EPSTI1: variants seen among roughly 807,000 people sequenced by gnomAD.
EPSTI1 encodes epithelial stromal interaction 1.
EPSTI1 carries 66 observed loss-of-function variants against 49.9 expected under a neutral mutation model. That is an observed-to-expected ratio of 1.32 (90% CI 1.08 to 1.62). The LOEUF (loss-of-function observed/expected upper bound fraction) is 1.62, where lower values mean the gene tolerates loss of function less well. EPSTI1 is among the 40% of genes most tolerant of loss of function. The pLI is 0.00. For missense variants in EPSTI1, 394 were observed against 365.5 expected (o/e 1.08, Z -0.64); for synonymous variants, 137 against 130.7 (o/e 1.05, Z -0.33).
At chr13:42,952,751 C>A (rs944284104) in intron 6 of EPSTI1, among the ~76,000 whole-genome samples, 1 of 152,224 alleles carries the variant, frequency 6.6e-6, no homozygotes, top group African/African-American at 2.4e-5. Flanking sequence ...CATCTATTTT[C>A]TGGCCTGGGT....
chr13:42,979,984 T>C (rs550201229), intron 1 of EPSTI1, among the ~76,000 whole-genome samples: 4 of 152,280 alleles, frequency 2.6e-5, no homozygotes, highest in South Asian at 4.1e-4. Flanking sequence ...TGTAGACTCC[T>C]ATGAGCTCAG....
At chr13:42,900,205 C>T (rs1220707547) in intron 9 of EPSTI1, 105 bp downstream of exon 9, 12 of 1,078,296 alleles carry the variant, frequency 1.1e-5, no homozygotes, top group South Asian at 1.3e-5. Context: ...ACACGCATTC[C>T]AAAACCATAT....
chr13:42,969,112 G>C lies in EPSTI1; in HGVS notation c.313C>G (p.Leu105Val), dbSNP rs765968737. Residue 105 changes from leucine to valine, a missense_variant, in exon 3 of 11, where the codon CTG (leucine) becomes GTG (valine). Coordinates refer to ENST00000313624, the MANE Select transcript of EPSTI1 (RefSeq NM_033255.5). Reference protein sequence around the residue: ...KEQNRAKPVHLVPRRLGGSQS... With the variant: ...KEQNRAKPVHVVPRRLGGSQS... Reference sequence around the variant, plus strand: ...TGCTTACCTAGCCGTCTGGGCACCAGGTGAACCGGTTTAGCTCTGTTCTGC... The same window carrying C: ...TGCTTACCTAGCCGTCTGGGCACCACGTGAACCGGTTTAGCTCTGTTCTGC... The C allele has an allele frequency of 5.0e-6, 8 of 1,614,036 alleles. No homozygotes were observed. The highest frequency in any genetic ancestry group is 6.8e-6 in the Non-Finnish European group (8 of 1,180,044).
chr13:42,987,873 G>A (rs1728895448), intron 1 of EPSTI1, among the ~76,000 whole-genome samples: 1 of 152,094 alleles, frequency 6.6e-6, no homozygotes, highest in East Asian at 1.9e-4. Context: ...AGTATACATA[G>A]TGTGCATTTA....
intron 6 of EPSTI1, among the ~76,000 whole-genome samples, chr13:42,942,738 G>GAC (rs2038796890): frequency 8.2e-6 from 1 of 122,094 alleles, no homozygotes; most frequent in Admixed American, 1.1e-4. Flanking sequence ...CCGGACTGCA[G>GAC]ACTGCAGTGG....
At chr13:42,984,496 T>C (rs1457819261) in intron 1 of EPSTI1, among the ~76,000 whole-genome samples, 2 of 152,256 alleles carry the variant, frequency 1.3e-5, no homozygotes, top group Non-Finnish European at 2.9e-5. Flanking sequence ...ACTTAAGTTC[T>C]GTCTCAGACA....
At chr13:42,921,989 G>A (rs756728737) in intron 7 of EPSTI1, among the ~76,000 whole-genome samples, 1 of 152,154 alleles carries the variant, frequency 6.6e-6, no homozygotes, top group Non-Finnish European at 1.5e-5. Flanking sequence ...ATGTTCAAAG[G>A]AAACTAAGAA....
At chr13:42,917,653 A>AC (rs749127519) in intron 7 of EPSTI1, 29 bp from the exon 8 acceptor site, 28 of 1,446,986 alleles carry the variant, frequency 1.9e-5, no homozygotes, top group Non-Finnish European at 2.3e-5. Flanking sequence ...AAAAAAAAAA[A>AC]AAAAAACAAC....
intron 4 of EPSTI1, among the ~76,000 whole-genome samples, chr13:42,963,811 A>G (rs9567073): frequency 0.57 from 86,777 of 151,968 alleles, 25,827 homozygotes; most frequent in Middle Eastern, 0.82. Flanking sequence ...ATAGTTAAAC[A>G]TAGTTAACTT....
intron 6 of EPSTI1, among the ~76,000 whole-genome samples, chr13:42,931,114 C>T (rs1430444925): frequency 6.6e-6 from 1 of 152,146 alleles, no homozygotes; most frequent in African/African-American, 2.4e-5. Flanking sequence ...CTCTTTCCTC[C>T]TTCTATCTGA....
intron 6 of EPSTI1, among the ~76,000 whole-genome samples, chr13:42,943,366 T>C (rs998382310): frequency 1.3e-5 from 2 of 152,226 alleles, no homozygotes; most frequent in Non-Finnish European, 2.9e-5. Context: ...TCCTCTGCTG[T>C]CCTTGTTGGA....
intron 6 of EPSTI1, among the ~76,000 whole-genome samples, chr13:42,947,357 A>T (rs1249274833): frequency 1.3e-5 from 2 of 152,200 alleles, no homozygotes; most frequent in Admixed American, 1.3e-4. Context: ...GGAATAAAAT[A>T]CACACACAAA....
At chr13:42,911,248 T>A (rs910454246) in intron 8 of EPSTI1, among the ~76,000 whole-genome samples, 2 of 120,930 alleles carry the variant, frequency 1.7e-5, no homozygotes, top group African/African-American at 6.3e-5. Context: ...AGAGAGAGTG[T>A]GTGTGTGTGT....
chr13:42,986,451 C>T (rs945864618), intron 1 of EPSTI1, among the ~76,000 whole-genome samples: 1 of 152,028 alleles, frequency 6.6e-6, no homozygotes, highest in African/African-American at 2.4e-5. Context: ...GGGGTTAAAA[C>T]TTTCAACCCC....
At chr13:42,908,908 C>A (rs1387995148) in intron 8 of EPSTI1, among the ~76,000 whole-genome samples, 1 of 147,838 alleles carries the variant, frequency 6.8e-6, no homozygotes, top group Non-Finnish European at 1.5e-5. Flanking sequence ...CATGGTGAAA[C>A]CCTGTCTCGA....
At chr13:42,968,737 G>T (rs1286737276) in intron 3 of EPSTI1, among the ~76,000 whole-genome samples, 1 of 151,872 alleles carries the variant, frequency 6.6e-6, no homozygotes, top group Non-Finnish European at 1.5e-5. Flanking sequence ...ATATGCTTGT[G>T]CCAGCATTTA....
chr13:42,942,297 C>T (rs1268742784), intron 6 of EPSTI1, among the ~76,000 whole-genome samples: 1 of 152,090 alleles, frequency 6.6e-6, no homozygotes, highest in African/African-American at 2.4e-5. Flanking sequence ...AGCCTGTATA[C>T]ATTTTTTGTG....
intron 6 of EPSTI1, among the ~76,000 whole-genome samples, chr13:42,949,591 C>CA (rs199737689): frequency 0.27 from 21,416 of 79,798 alleles, 2,095 homozygotes; most frequent in East Asian, 0.4. Context: ...GACTCCATGT[C>CA]AAAAAAAAAA....
At chr13:42,897,383 A>C (rs1331955354) in intron 9 of EPSTI1, among the ~76,000 whole-genome samples, 1 of 152,160 alleles carries the variant, frequency 6.6e-6, no homozygotes, top group Non-Finnish European at 1.5e-5. Context: ...TTGATTGTTG[A>C]CTTCCATTTC....
Sources: allele counts gnomAD v4.1 joint callset (sites outside exome capture counted in the v4.1 genomes callset), GRCh38; gene constraint gnomAD v4.1.1; transcripts MANE v1.5; gene names NCBI Gene and HGNC (gene_info 2026-07-23, HGNC 2026-07-21).